FARS2: variants seen among roughly 807,000 people sequenced by gnomAD.
FARS2 encodes phenylalanyl-tRNA synthetase 2, mitochondrial.
FARS2 carries 40 observed loss-of-function variants against 46.4 expected under a neutral mutation model. That is an observed-to-expected ratio of 0.86 (90% CI 0.67 to 1.12). FARS2 has a LOEUF of 1.12. Ranked by LOEUF, FARS2 falls within the 50% of genes most tolerant of loss-of-function variation. The probability of loss-of-function intolerance (pLI) is 0.00; values close to 1 mark genes in which losing one functional copy is unlikely to be tolerated. For synonymous variants in FARS2, 234 were observed against 214.9 expected (o/e 1.09, Z -0.78); for missense variants, 513 against 567.9 (o/e 0.90, Z 0.98).
upstream of FARS2, among the ~76,000 whole-genome samples, chr6:5,258,997 A>T (rs7744301): frequency 0.022 from 3,323 of 152,332 alleles, 113 homozygotes; most frequent in African/African-American, 0.075. Context: ...AGAATTTCAG[A>T]AATGGAAGGG....
intron 5 of FARS2, among the ~76,000 whole-genome samples, chr6:5,587,089 A>T (rs1432101988): frequency 2.6e-5 from 4 of 152,228 alleles, no homozygotes; most frequent in Non-Finnish European, 5.9e-5. Flanking sequence ...GCAACCCTTA[A>T]AGATGTACTG....
chr6:5,658,352 T>C (rs989567606), intron 6 of FARS2, among the ~76,000 whole-genome samples: 1 of 152,200 alleles, frequency 6.6e-6, no homozygotes, highest in Admixed American at 6.5e-5. Context: ...GTTATTGTTA[T>C]TACTTAGCAG....
intron 4 of FARS2, among the ~76,000 whole-genome samples, chr6:5,497,892 T>A (rs550966566): frequency 7.0e-4 from 106 of 152,224 alleles, no homozygotes; most frequent in Non-Finnish European, 1.4e-3. Flanking sequence ...TTAACTGTTT[T>A]ACATTATCAT....
At chr6:5,480,879 CAGGATCTAT>C (rs1480441631) in intron 4 of FARS2, among the ~76,000 whole-genome samples, 1 of 152,200 alleles carries the variant, frequency 6.6e-6, no homozygotes, top group East Asian at 1.9e-4. Context: ...CAGGATTCTG[CAGGATCTAT>C]AGAAGACTAA....
chr6:5,407,059 AT>A (rs1562017891), intron 3 of FARS2, among the ~76,000 whole-genome samples: 2 of 140,258 alleles, frequency 1.4e-5, no homozygotes, highest in African/African-American at 2.6e-5. Context: ...ATATATATAT[AT>A]ATATATAATG....
At chr6:5,255,878 G>A in the FARS2 span, among the ~76,000 whole-genome samples, 13,711 of 152,218 alleles carry the variant, frequency 0.09, 773 homozygotes, top group African/African-American at 0.15. Flanking sequence ...CCCAGGATGA[G>A]AACTACTAAC....
At chr6:5,542,083 G>A (rs13202324) in intron 4 of FARS2, among the ~76,000 whole-genome samples, 27,301 of 152,148 alleles carry the variant, frequency 0.18, 3,165 homozygotes, top group Non-Finnish European at 0.25. Flanking sequence ...CTTGGATTTG[G>A]TGGGTTTTGG....
At chr6:5,742,305 CCTT>C (rs1761393777) in intron 6 of FARS2, among the ~76,000 whole-genome samples, 1 of 152,216 alleles carries the variant, frequency 6.6e-6, no homozygotes, top group African/African-American at 2.4e-5. Flanking sequence ...TACTTTGAAA[CCTT>C]CTCTCTGCGT....
At chr6:5,422,469 T>G (rs1427910197) in intron 3 of FARS2, among the ~76,000 whole-genome samples, 1 of 152,102 alleles carries the variant, frequency 6.6e-6, no homozygotes, top group African/African-American at 2.4e-5. Flanking sequence ...GTGCTTTGTG[T>G]TGGAAGCTGA....
At chr6:5,619,939 G>A (rs770424159) in intron 6 of FARS2, among the ~76,000 whole-genome samples, 4 of 151,938 alleles carry the variant, frequency 2.6e-5, no homozygotes, top group Non-Finnish European at 5.9e-5. Flanking sequence ...CTCAACACCC[G>A]AACACAACAG....
chr6:5,707,915 G>A (rs1036455303), intron 6 of FARS2, among the ~76,000 whole-genome samples: 8 of 152,204 alleles, frequency 5.3e-5, no homozygotes, highest in African/African-American at 7.2e-5. Flanking sequence ...GTGGGAGCCC[G>A]GGGAAGAAAG....
intron 4 of FARS2, among the ~76,000 whole-genome samples, chr6:5,491,416 A>G (rs1257225655): frequency 6.6e-6 from 1 of 152,196 alleles, no homozygotes; most frequent in Non-Finnish European, 1.5e-5. Context: ...ACTTTCTAGC[A>G]GCATTTCGAT....
At chr6:5,408,763 A>G (rs1761761959) in intron 3 of FARS2, among the ~76,000 whole-genome samples, 1 of 152,220 alleles carries the variant, frequency 6.6e-6, no homozygotes, top group Non-Finnish European at 1.5e-5. Flanking sequence ...GCACATGACG[A>G]AAGAGTAATA....
chr6:5,477,369 C>T (rs1054478086), intron 4 of FARS2, among the ~76,000 whole-genome samples: 4 of 152,122 alleles, frequency 2.6e-5, no homozygotes, highest in African/African-American at 9.7e-5. Context: ...GTCTTCCTGC[C>T]GACACTTCCT....
chr6:5,417,221 G>A (rs1762289843), intron 3 of FARS2, among the ~76,000 whole-genome samples: 1 of 151,884 alleles, frequency 6.6e-6, no homozygotes, highest in African/African-American at 2.4e-5. Flanking sequence ...TTTTACCTCT[G>A]TGTATTTATT....
chr6:5,595,770 G>C (rs893422907), intron 5 of FARS2, among the ~76,000 whole-genome samples: 2 of 152,090 alleles, frequency 1.3e-5, no homozygotes, highest in African/African-American at 4.8e-5. Context: ...GCTTACCGAC[G>C]CTGACACCTT....
chr6:5,608,585 A>C (rs1290309368), intron 5 of FARS2, among the ~76,000 whole-genome samples: 1 of 151,272 alleles, frequency 6.6e-6, no homozygotes, highest in Non-Finnish European at 1.5e-5. Context: ...ATTTCCATCT[A>C]TAATTTTATC....
chr6:5,312,185 G>T (rs1342986193), intron 1 of FARS2, among the ~76,000 whole-genome samples: 1 of 152,148 alleles, frequency 6.6e-6, no homozygotes, highest in Non-Finnish European at 1.5e-5. Flanking sequence ...TTTTGAATGT[G>T]TCTTTAACTC....
At chr6:5,294,786 C>T (rs1267802064) in intron 1 of FARS2, among the ~76,000 whole-genome samples, 1 of 152,168 alleles carries the variant, frequency 6.6e-6, no homozygotes, top group Non-Finnish European at 1.5e-5. Context: ...GTGTTCCACC[C>T]TCCAGGGACC....
Sources: gnomAD v4.1 joint callset for allele counts (sites outside exome capture counted in the v4.1 genomes callset) on GRCh38, gnomAD v4.1.1 for gene constraint, MANE v1.5 for transcripts, NCBI Gene and HGNC (gene_info 2026-07-23, HGNC 2026-07-21) for gene names.